PASD1: variants seen among roughly 807,000 people sequenced by gnomAD.
The protein encoded by PASD1 is PAS domain containing repressor 1.
A neutral mutation model predicts 58.8 loss-of-function variants in PASD1; 13 were observed. The observed-to-expected ratio is 0.22, with a 90% CI of 0.14 to 0.35. The LOEUF (loss-of-function observed/expected upper bound fraction) is 0.35, where lower values mean the gene tolerates loss of function less well. Among genes scored for constraint, PASD1 ranks in the 10% least tolerant of loss-of-function variants. PASD1 has a pLI of 1.00. For missense variants in PASD1, 734 were observed against 568.3 expected (o/e 1.29, Z -2.96); for synonymous variants, 236 against 216.7 (o/e 1.09, Z -0.78).
At position 151,676,488 on chromosome X, in the gene PASD1, T is replaced by C. The variant is rs1477131557; in HGVS notation, c.*345T>C. The C allele has an allele frequency of 1.2e-5, 2 of 171,134 alleles. No homozygotes were observed. The highest frequency in any genetic ancestry group is 2.2e-5 in the Non-Finnish European group (2 of 91,978). The allele number at this position is 171,134 out of a possible 1,213,427, so 14.1% of individuals were successfully genotyped here. ...AAGAGTCTGCTCAAAGTTTTCAACA[T>C]AAAGAATAAAGAAAAAAAAATGCCA... On this transcript the variant is annotated 3_prime_UTR_variant, in exon 16 of 16. Transcript: ENST00000370357.
chrX:151,663,169 C>T (rs1420961454), intron 10 of PASD1, among the ~76,000 whole-genome samples: 1 of 111,735 alleles, frequency 8.9e-6, no homozygotes. Flanking sequence ...AGAATAGTTC[C>T]ATCACCCCCA....
At chrX:151,611,555 C>T (rs1203386128) in intron 3 of PASD1, 109 bp from the exon 4 acceptor site, 1 of 485,819 alleles carries the variant, frequency 2.1e-6, no homozygotes, top group Non-Finnish European at 3.3e-6. Context: ...TATTTAAGGA[C>T]TGGGGTGCAT....
intron 1 of PASD1, among the ~76,000 whole-genome samples, chrX:151,593,831 C>G (rs1320797190): frequency 8.9e-6 from 1 of 111,762 alleles, no homozygotes; most frequent in Non-Finnish European, 1.9e-5. Context: ...CTGTCTTCCA[C>G]AGTGGTTAAT....
intron 15 of PASD1, 144 bp downstream of exon 15, chrX:151,674,330 A>G (rs1312879654): frequency 2.5e-6 from 2 of 806,645 alleles, no homozygotes; most frequent in Non-Finnish European, 3.5e-6. Context: ...AGTTAGTCAC[A>G]TGATGGTAGC....
At chrX:151,672,061 G>T in intron 13 of PASD1, 122 bp from the exon 14 acceptor site, 3 of 1,032,134 alleles carry the variant, frequency 2.9e-6, no homozygotes, top group Non-Finnish European at 3.8e-6. Context: ...AGATCACTAT[G>T]TGCAGAGAGG....
chrX:151,673,804 G>A, intron 14 of PASD1, 124 bp from the exon 15 acceptor site: 1 of 828,025 alleles, frequency 1.2e-6, no homozygotes. Flanking sequence ...ATACAAACAA[G>A]TGAATCCTGT....
rs140074898 is a variant in PASD1 at position 151,672,623 on chromosome X, A to G, written c.1878A>G (p.Gln626=). ...AAEQQPSGFY[Q]DENCGQQEDE... ...AACAACAGCCCTCTGGCTTCTATCA[A>G]GATGAAAACTGTGGGCAACAGGAAG... is the stretch of plus-strand genomic sequence containing the variant. Residue 626 remains glutamine (Q), a synonymous_variant, in exon 14 of 16, where the codon CAA becomes CAG. Transcript: ENST00000370357. The G allele has an allele frequency of 7.4e-6, 9 of 1,210,541 alleles. No homozygotes were observed. Among genetic ancestry groups the G allele is most frequent in the Non-Finnish European group, 1.0e-5 (9 of 895,322 alleles).
In PASD1 at chrX:151,666,664, T is replaced by C. The variant is rs753252378; in HGVS notation, c.1071+2316T>C. Among the ~76,000 whole-genome samples, 218 of 88,106 alleles carry C rather than the reference T, an allele frequency of 2.5e-3. 1 individual carries two copies. The highest frequency in any genetic ancestry group is 4.1e-3 in the Non-Finnish European group (184 of 45,275). 76.5% of individuals were successfully genotyped at this position (88,106 alleles called of 115,157 possible). On this transcript the variant is annotated intron_variant, in intron 11 of 15. Coordinates refer to ENST00000370357, the MANE Select transcript of PASD1 (RefSeq NM_173493.3). ...GTTTTTTGTCCTTGTGATAGTATGC[T>C]GAGAATGATGGTTTCCAGCTTCATC...
chrX:151,673,091 G>T (rs2014499760), intron 14 of PASD1: 1 of 140,259 alleles, frequency 7.1e-6, no homozygotes, highest in Admixed American at 7.5e-5. Context: ...CCAAGTGCAG[G>T]TATCTCCCTG....
At position 151,571,564 on chromosome X, in the gene PASD1, T is replaced by TTCCCCAAGCTGGAAGTC. The variant is rs765173370; in HGVS notation, c.-28+7736_-28+7737insGAAGTCTCCCCAAGCTG. ...TGAACATGTCTTATAGAGTCATGGA[T>TTCCCCAAGCTGGAAGTC]TCCCCAAGCTGAAAGAGACTTCCAA... On this transcript the variant is annotated intron_variant, in intron 1 of 15. Coordinates refer to ENST00000370357, the MANE Select transcript of PASD1 (RefSeq NM_173493.3). Among the ~76,000 whole-genome samples the TTCCCCAAGCTGGAAGTC allele has an allele frequency of 3.4e-3, 379 of 112,196 alleles. 4 individuals are homozygous for TTCCCCAAGCTGGAAGTC. Among genetic ancestry groups the TTCCCCAAGCTGGAAGTC allele is most frequent in the African/African-American group, 0.012 (366 of 30,963 alleles).
At chrX:151,620,746 A>G (rs755173834) in intron 4 of PASD1, among the ~76,000 whole-genome samples, 184 bp from the exon 5 acceptor site, 6 of 110,908 alleles carry the variant, frequency 5.4e-5, no homozygotes, top group South Asian at 3.9e-4. Flanking sequence ...AAGTAGGATA[A>G]TGGGAATTGT....
Position 151,672,244 on chromosome X carries a change from TG to T in PASD1, c.1500del (p.Gln501AsnfsTer3). 3.4e-6 allele frequency: 4 copies of T among 1,164,757 alleles called. No individual in the cohort carries two copies. Among genetic ancestry groups the T allele is most frequent in the East Asian group, 3.3e-5 (1 of 30,756 alleles). On this transcript the variant is annotated frameshift_variant, in exon 14 of 16. Transcript: ENST00000370357. LOFTEE classifies it high-confidence loss of function. Reference sequence around the variant, plus strand: ...CAGCAGCGGCAGCTGCGGGAGCAGCTGCAACAGCTGAGAGAGCAAAGGAAGG... The same window carrying T: ...CAGCAGCGGCAGCTGCGGGAGCAGCTCAACAGCTGAGAGAGCAAAGGAAGG... ...KEQQRQLREQ[L>X]QQLREQRKVQ...
At chrX:151,654,487 C>G (rs2014211122) in intron 9 of PASD1, among the ~76,000 whole-genome samples, 1 of 110,635 alleles carries the variant, frequency 9.0e-6, no homozygotes, top group Admixed American at 9.6e-5. Flanking sequence ...TTGAAGTACA[C>G]CCAAAGTTAA....
intron 10 of PASD1, among the ~76,000 whole-genome samples, chrX:151,661,378 G>A (rs2014308753): frequency 8.9e-6 from 1 of 111,849 alleles, no homozygotes; most frequent in Admixed American, 9.5e-5. Flanking sequence ...GCTGCAGAAA[G>A]CAGATAGGAA....
chrX:151,625,658 A>T (rs866691312), intron 8 of PASD1, 128 bp downstream of exon 8: 2 of 441,899 alleles, frequency 4.5e-6, no homozygotes, highest in Non-Finnish European at 7.3e-6. Flanking sequence ...AAAAGAAACA[A>T]ACGGGCCAGG....
chrX:151,613,647 G>T (rs56056053), intron 4 of PASD1, among the ~76,000 whole-genome samples: 41,480 of 110,309 alleles, frequency 0.38, 5,814 homozygotes, highest in African/African-American at 0.41. Context: ...TGAGAATGCT[G>T]GTGATTTTTG....
At chrX:151,601,783 C>T (rs924635232) in intron 2 of PASD1, among the ~76,000 whole-genome samples, 2 of 111,572 alleles carry the variant, frequency 1.8e-5, no homozygotes, top group African/African-American at 6.5e-5. Context: ...ACCTGACAGC[C>T]CTCTTCCTCA....
At chrX:151,667,723 C>T (rs898030306) in intron 11 of PASD1, among the ~76,000 whole-genome samples, 1 of 111,470 alleles carries the variant, frequency 9.0e-6, no homozygotes, top group African/African-American at 3.3e-5. Flanking sequence ...GGGCTCTGTT[C>T]TGTTCCATTG....
chrX:151,647,638 T>C (rs2014076776), intron 8 of PASD1, among the ~76,000 whole-genome samples: 1 of 110,421 alleles, frequency 9.1e-6, no homozygotes, highest in Non-Finnish European at 1.9e-5. Flanking sequence ...TGTTTTATGC[T>C]GTGCAAATCA....
Sources: gnomAD v4.1 joint callset for allele counts (sites outside exome capture counted in the v4.1 genomes callset) on GRCh38, gnomAD v4.1.1 for gene constraint, MANE v1.5 for transcripts, NCBI Gene and HGNC (gene_info 2026-07-23, HGNC 2026-07-21) for gene names.